The following FBXL7 variants were observed in gnomAD, a reference collection of about 807,000 sequenced individuals.
FBXL7 encodes the protein F-box and leucine rich repeat protein 7.
Under a neutral mutation model 38.3 loss-of-function variants are expected in FBXL7, and 12 were observed. The observed-to-expected ratio is 0.31, with a 90% CI of 0.20 to 0.51. The LOEUF (loss-of-function observed/expected upper bound fraction) is 0.51. FBXL7 is among the 20% of genes least tolerant of loss of function. FBXL7 has a pLI of 0.98. For synonymous variants in FBXL7, 297 were observed against 300.9 expected (o/e 0.99, Z 0.13); for missense variants, 567 against 676.4 (o/e 0.84, Z 1.79).
chr5:15,780,527 G>C (rs1416457773), intron 2 of FBXL7, among the ~76,000 whole-genome samples: 1 of 152,112 alleles, frequency 6.6e-6, no homozygotes, highest in Non-Finnish European at 1.5e-5. Context: ...AGGCTATTAA[G>C]AATTAGGAAT....
At chr5:15,852,651 C>T (rs1481666475) in intron 2 of FBXL7, among the ~76,000 whole-genome samples, 7 of 151,252 alleles carry the variant, frequency 4.6e-5, no homozygotes, top group Admixed American at 4.6e-4. Flanking sequence ...CATTTACAGT[C>T]AAGGGTAGAA....
chr5:15,554,484 A>T (rs1738174889), intron 1 of FBXL7, among the ~76,000 whole-genome samples: 1 of 152,222 alleles, frequency 6.6e-6, no homozygotes, highest in Non-Finnish European at 1.5e-5. Context: ...AGCCCAGTGA[A>T]GTGTAGGTAC....
chr5:15,645,335 G>T (rs1165821130), intron 2 of FBXL7, among the ~76,000 whole-genome samples: 2 of 152,122 alleles, frequency 1.3e-5, no homozygotes, highest in South Asian at 2.1e-4. Flanking sequence ...CACTGAGATA[G>T]ATGCATATCT....
At chr5:15,719,237 G>A (rs1356395159) in intron 2 of FBXL7, among the ~76,000 whole-genome samples, 1 of 151,980 alleles carries the variant, frequency 6.6e-6, no homozygotes, top group Admixed American at 6.6e-5. Flanking sequence ...GTCTTAACAT[G>A]ACAAATCCTT....
intron 2 of FBXL7, among the ~76,000 whole-genome samples, chr5:15,887,495 C>T (rs1207357542): frequency 1.3e-5 from 2 of 152,200 alleles, no homozygotes; most frequent in Non-Finnish European, 2.9e-5. Flanking sequence ...GGATTTAAGT[C>T]TGAGAAAGCA....
At chr5:15,880,829 A>T (rs1315820594) in intron 2 of FBXL7, among the ~76,000 whole-genome samples, 1 of 150,616 alleles carries the variant, frequency 6.6e-6, no homozygotes, top group Non-Finnish European at 1.5e-5. Flanking sequence ...TAATATATTG[A>T]ACACTTACTG....
At position 15,936,591 on chromosome 5, in the gene FBXL7, C is replaced by G; in HGVS notation, c.881C>G (p.Ala294Gly). 6.2e-7 allele frequency: 1 copy of G among 1,611,702 alleles called. No individual in the cohort carries two copies. Among genetic ancestry groups the G allele is most frequent in the Non-Finnish European group, 8.5e-7 (1 of 1,179,884 alleles). The stretch of plus-strand genomic sequence containing the variant: ...GAGGACGAAGGCCTGCACACCATCG[C>G]GGCGCACTGCACGCAGCTCACCCAC... ...VLEDEGLHTI[A>G]AHCTQLTHLY... Residue 294 changes from alanine to glycine, a missense_variant, in exon 4 of 4, where the codon GCG becomes GGG. Transcript: ENST00000504595. The surrounding 1 kb of genome is among the most constrained non-coding windows in gnomAD (Gnocchi z 6.0).
chr5:15,800,306 A>G (rs1428464977), intron 2 of FBXL7, among the ~76,000 whole-genome samples: 1 of 152,208 alleles, frequency 6.6e-6, no homozygotes, highest in African/African-American at 2.4e-5. Context: ...TCTCAGTTAC[A>G]TGATGAAGGG....
rs149316328 is a variant in FBXL7, at chr5:15,582,141, G to A, written c.38-33842G>A. Among the ~76,000 whole-genome samples the A allele has an allele frequency of 3.9e-5, 6 of 152,166 alleles. No individual in the cohort carries two copies. The South Asian group carries it at 6.2e-4, about 16-fold the overall frequency. On this transcript the variant is annotated intron_variant, in intron 1 of 3. Transcript: ENST00000504595. ...TTTAGTAGAGATGGGGCTTTGCCAC[G>A]TTGGCCAGGCTGGTCTCAAACTCCT...
rs534600356 is a variant in FBXL7 at position 15,938,082 on chromosome 5, C to A, written c.*896C>A. ...CCTTTGGCTGCAAATCACCCACTTC[C>A]CTGTGTTTCAGTGGGAGAATTTCCT... On this transcript the variant is annotated 3_prime_UTR_variant, in exon 4 of 4. Coordinates refer to ENST00000504595, the MANE Select transcript of FBXL7 (RefSeq NM_012304.5). The A allele has an allele frequency of 6.6e-6, 1 of 152,294 alleles. No individual in the cohort carries two copies. Among genetic ancestry groups the A allele is most frequent in the South Asian group, 2.1e-4 (1 of 4,822 alleles). 9.4% of individuals were successfully genotyped at this position (152,294 alleles called of 1,614,324 possible). A position where few individuals can be genotyped will look rare whatever the true frequency, so the allele number is the denominator to read the frequency against.
At chr5:15,863,803 T>G (rs186923616) in intron 2 of FBXL7, among the ~76,000 whole-genome samples, 1 of 152,216 alleles carries the variant, frequency 6.6e-6, no homozygotes. Flanking sequence ...CACTCTCTCA[T>G]GCTTCCTCTC....
chr5:15,571,544 C>A (rs1738781820), intron 1 of FBXL7, among the ~76,000 whole-genome samples: 1 of 152,098 alleles, frequency 6.6e-6, no homozygotes, highest in African/African-American at 2.4e-5. Flanking sequence ...AGGTGAGAGA[C>A]ATTTTCTTGG....
intron 2 of FBXL7, among the ~76,000 whole-genome samples, chr5:15,882,485 G>A (rs1740497272): frequency 6.6e-6 from 1 of 152,090 alleles, no homozygotes; most frequent in Non-Finnish European, 1.5e-5. Context: ...CCAAAGTGTG[G>A]TACCATGAGA....
Position 15,937,531 on chromosome 5 carries a change from C to A in FBXL7, c.*345C>A. The A allele has an allele frequency of 5.0e-6, 1 of 201,164 alleles. No individual in the cohort carries two copies. Among genetic ancestry groups the A allele is most frequent in the Non-Finnish European group, 9.5e-6 (1 of 105,066 alleles). The allele number at this position is 201,164 out of a possible 1,614,324, so 12.5% of individuals were successfully genotyped here. On this transcript the variant is annotated 3_prime_UTR_variant, in exon 4 of 4. Coordinates refer to ENST00000504595, the MANE Select transcript of FBXL7 (RefSeq NM_012304.5). ...CCCTTTCCCTCGCACACAGGCCCCA[C>A]CCCCACAGTTCCACGCCCCCCCCCC...
At chr5:15,923,871 G>T (rs1054050070) in intron 2 of FBXL7, among the ~76,000 whole-genome samples, 32 of 151,998 alleles carry the variant, frequency 2.1e-4, no homozygotes, top group African/African-American at 7.5e-4. Context: ...CATGCACAGG[G>T]TAAGTATCTT....
At chr5:15,926,683 T>C (rs549672745) in intron 2 of FBXL7, among the ~76,000 whole-genome samples, 21 of 152,230 alleles carry the variant, frequency 1.4e-4, no homozygotes, top group African/African-American at 4.6e-4. Context: ...TTCCAAGGAA[T>C]AGAATATGGC....
chr5:15,757,772 T>C (rs1427794552), intron 2 of FBXL7, among the ~76,000 whole-genome samples: 1 of 152,168 alleles, frequency 6.6e-6, no homozygotes, highest in African/African-American at 2.4e-5. Context: ...TGGAAACGTT[T>C]TGTGCACTTA....
At position 15,770,548 on chromosome 5, in the gene FBXL7, G is replaced by A. The variant is rs542038686; in HGVS notation, c.127+154476G>A. On this transcript the variant is annotated intron_variant, in intron 2 of 3. Transcript: ENST00000504595. ...AGATGCCAGTGGCGAGGCAATAAAC[G>A]AACGAGTAGCTACTACCTCCAGACT... is the stretch of plus-strand genomic sequence containing the variant. 9.9e-5 allele frequency among the ~76,000 whole-genome samples: 15 copies of A among 152,224 alleles called. No homozygotes were observed. In the East Asian group the frequency reaches 2.1e-3, roughly 22 times the overall value.
Position 15,797,658 on chromosome 5 carries a change from T to G in FBXL7, c.128-130232T>G, listed in dbSNP as rs149677349. ...GGCATTGAAAATAGGTTTGTGGGAA[T>G]GTATGTTGCTCAAAATATGCAGCAT... On this transcript the variant is annotated intron_variant, in intron 2 of 3. Coordinates refer to ENST00000504595, the MANE Select transcript of FBXL7 (RefSeq NM_012304.5). 5.8e-3 allele frequency among the ~76,000 whole-genome samples: 882 copies of G among 152,334 alleles called. 10 individuals carry two copies. The highest frequency in any genetic ancestry group is 0.02 in the African/African-American group (840 of 41,576).
Sources: allele counts gnomAD v4.1 joint callset (sites outside exome capture counted in the v4.1 genomes callset), GRCh38; gene constraint gnomAD v4.1.1; non-coding constraint Gnocchi (gnomAD v3.1); transcripts MANE v1.5; gene names NCBI Gene and HGNC (gene_info 2026-07-23, HGNC 2026-07-21).